The following UNC5D variants were observed in gnomAD, a reference collection of about 807,000 sequenced individuals.
UNC5D encodes the protein unc-5 netrin receptor D.
UNC5D carries 39 observed loss-of-function variants against 105.4 expected under a neutral mutation model. The ratio of observed to expected loss-of-function variants is 0.37; its 90% confidence interval spans 0.29 to 0.48. The LOEUF is 0.48. UNC5D is among the 20% of genes least tolerant of loss of function. UNC5D has a pLI of 0.98. For missense variants in UNC5D, 991 were observed against 1,202.4 expected, an observed-to-expected ratio of 0.82 and a Z score of 2.60; for synonymous variants, 452 against 450.4, an observed-to-expected ratio of 1.00 and a Z score of -0.04.
chr8:35,581,086 C>T (rs1020545628), intron 3 of UNC5D, among the ~76,000 whole-genome samples: 1 of 152,160 alleles, frequency 6.6e-6, no homozygotes, highest in Non-Finnish European at 1.5e-5. Context: ...GGGTCTCACT[C>T]AGGACCTTTA....
intron 1 of UNC5D, among the ~76,000 whole-genome samples, chr8:35,473,868 G>T (rs143669398): frequency 6.6e-6 from 1 of 152,270 alleles, no homozygotes. Flanking sequence ...ACAGAAATTT[G>T]TTGGCTCTGA....
At chr8:35,304,926 C>T (rs1259956337) in intron 1 of UNC5D, among the ~76,000 whole-genome samples, 97 of 152,142 alleles carry the variant, frequency 6.4e-4, no homozygotes, top group Admixed American at 1.1e-3. Flanking sequence ...ATGTAATCAG[C>T]TATGAACAAA....
At chr8:35,354,320 T>C (rs1245696217) in intron 1 of UNC5D, among the ~76,000 whole-genome samples, 1 of 152,100 alleles carries the variant, frequency 6.6e-6, no homozygotes, top group Admixed American at 6.6e-5. Context: ...GAGACAAATA[T>C]GAGTGACAGA....
chr8:35,653,436 T>C (rs927379442), intron 4 of UNC5D, among the ~76,000 whole-genome samples: 3 of 152,212 alleles, frequency 2.0e-5, no homozygotes, highest in Non-Finnish European at 4.4e-5. Context: ...GGGCTTCCTA[T>C]AGCACAAATT....
At chr8:35,718,332 G>T (rs12549599) in intron 8 of UNC5D, among the ~76,000 whole-genome samples, 7,892 of 152,242 alleles carry the variant, frequency 0.052, 415 homozygotes, top group African/African-American at 0.11. Flanking sequence ...CAGGGCTTTT[G>T]TTCAAAATCA....
intron 1 of UNC5D, among the ~76,000 whole-genome samples, chr8:35,467,958 T>C (rs896637086): frequency 2.0e-5 from 3 of 152,222 alleles, no homozygotes; most frequent in Non-Finnish European, 2.9e-5. Flanking sequence ...ATCAAAAGGA[T>C]ATATAAACAA....
chr8:35,250,508 T>C (rs997707519), intron 1 of UNC5D, among the ~76,000 whole-genome samples: 2 of 152,120 alleles, frequency 1.3e-5, no homozygotes, highest in African/African-American at 4.8e-5. Flanking sequence ...TTGTTTTTCT[T>C]TTTTGAGATG....
At chr8:35,595,734 C>G in intron 4 of UNC5D, 77 bp downstream of exon 4, 10 of 1,338,776 alleles carry the variant, frequency 7.5e-6, no homozygotes, top group Non-Finnish European at 1.1e-5. Flanking sequence ...TCCTGTGTGG[C>G]TGGAAGGGAA....
intron 10 of UNC5D, among the ~76,000 whole-genome samples, chr8:35,728,372 C>A (rs773285083): frequency 6.6e-6 from 1 of 151,958 alleles, no homozygotes; most frequent in East Asian, 1.9e-4. Flanking sequence ...TCAAAGAAAG[C>A]GAGATGAAAT....
At chr8:35,349,865 G>C (rs1295645498) in intron 1 of UNC5D, among the ~76,000 whole-genome samples, 1 of 151,878 alleles carries the variant, frequency 6.6e-6, no homozygotes, top group Non-Finnish European at 1.5e-5. Flanking sequence ...CTTGAAACTG[G>C]CACTTTTTCT....
At chr8:35,655,648 A>G (rs1224698985) in intron 4 of UNC5D, among the ~76,000 whole-genome samples, 3 of 152,322 alleles carry the variant, frequency 2.0e-5, no homozygotes, top group East Asian at 1.9e-4. Context: ...AGTTCATAAT[A>G]TAAGATTGAA....
intron 4 of UNC5D, among the ~76,000 whole-genome samples, chr8:35,619,420 G>A (rs1821220135): frequency 2.0e-5 from 3 of 152,148 alleles, no homozygotes; most frequent in Admixed American, 2.0e-4. Flanking sequence ...GCACAAGTGG[G>A]AGAATCACTG....
chr8:35,688,613 C>T (rs1377011009), intron 7 of UNC5D, among the ~76,000 whole-genome samples: 1 of 152,212 alleles, frequency 6.6e-6, no homozygotes, highest in Admixed American at 6.5e-5. Context: ...CCAATAAATG[C>T]ACACCAACCA....
At position 35,586,889 on chromosome 8, in the gene UNC5D, A is replaced by G. The variant is rs75548016; in HGVS notation, c.467-8665A>G. ...TGGTGTTGCTGAGCTGCAAAGAACT[A>G]TTATTTGGAATTGAATTTTTATTGA... On this transcript the variant is annotated intron_variant, in intron 3 of 16. Coordinates refer to ENST00000404895, the MANE Select transcript of UNC5D (RefSeq NM_080872.4). Among the ~76,000 whole-genome samples the G allele has an allele frequency of 6.7e-3, 1,016 of 152,324 alleles. 14 individuals are homozygous for G. Among genetic ancestry groups the G allele is most frequent in the African/African-American group, 0.022 (930 of 41,564 alleles).
chr8:35,617,298 A>T (rs1276865489), intron 4 of UNC5D, among the ~76,000 whole-genome samples: 1 of 152,194 alleles, frequency 6.6e-6, no homozygotes, highest in African/African-American at 2.4e-5. Context: ...TAGAAGGTGC[A>T]CTTGCCCCCA....
At chr8:35,236,073 G>C (rs1480320359) in intron 1 of UNC5D, among the ~76,000 whole-genome samples, 186 bp downstream of exon 1, 1 of 152,180 alleles carries the variant, frequency 6.6e-6, no homozygotes, top group Non-Finnish European at 1.5e-5. Context: ...CCAAGTTTGC[G>C]ATCTGCCGCA....
intron 3 of UNC5D, among the ~76,000 whole-genome samples, chr8:35,581,580 A>G (rs939714371): frequency 9.8e-5 from 15 of 152,310 alleles, no homozygotes; most frequent in African/African-American, 2.9e-4. Flanking sequence ...ACTATTGTAT[A>G]TTTTAAAATA....
intron 2 of UNC5D, among the ~76,000 whole-genome samples, chr8:35,563,609 T>A (rs1381567523): frequency 1.3e-5 from 2 of 152,142 alleles, no homozygotes; most frequent in Non-Finnish European, 2.9e-5. Context: ...GCCTTTTATT[T>A]GTTTCTCTTG....
intron 16 of UNC5D, among the ~76,000 whole-genome samples, chr8:35,776,066 C>CCA (rs1169796249): frequency 2.0e-5 from 3 of 152,098 alleles, no homozygotes; most frequent in Non-Finnish European, 2.9e-5. Context: ...CCTTTCTGAT[C>CCA]AACATGGATC....
Sources: gnomAD v4.1 joint callset for allele counts (sites outside exome capture counted in the v4.1 genomes callset) on GRCh38, gnomAD v4.1.1 for gene constraint, MANE v1.5 for transcripts, NCBI Gene and HGNC (gene_info 2026-07-23, HGNC 2026-07-21) for gene names.